MRPL1: variants seen among roughly 807,000 people sequenced by gnomAD.
MRPL1 encodes the protein mitochondrial ribosomal protein L1.
Under a neutral mutation model 38.0 loss-of-function variants are expected in MRPL1, and 28 were observed. The observed-to-expected ratio is 0.74, with a 90% CI of 0.55 to 1.01. The LOEUF (loss-of-function observed/expected upper bound fraction) is 1.01, where lower values mean the gene tolerates loss of function less well. Ranked by LOEUF, MRPL1 falls within the 50% of genes least tolerant of loss-of-function variation. The pLI is 0.00. For missense variants in MRPL1, 358 were observed against 389.8 expected (o/e 0.92, Z 0.69); for synonymous variants, 123 against 126.7 (o/e 0.97, Z 0.20).
chr4:77,882,811 G>T (rs1033976237), intron 2 of MRPL1, among the ~76,000 whole-genome samples: 3 of 152,118 alleles, frequency 2.0e-5, no homozygotes, highest in Non-Finnish European at 4.4e-5. Context: ...TAGATTTTGT[G>T]TCATATGTTT....
At chr4:77,887,843 CTTGAA>C (rs1560462810) in intron 5 of MRPL1, among the ~76,000 whole-genome samples, 2 of 152,034 alleles carry the variant, frequency 1.3e-5, no homozygotes, top group Non-Finnish European at 2.9e-5. Flanking sequence ...ATTGATTATA[CTTGAA>C]TTATTATTGT....
intron 2 of MRPL1, among the ~76,000 whole-genome samples, chr4:77,876,048 T>C (rs1735381457): frequency 6.6e-6 from 1 of 152,108 alleles, no homozygotes; most frequent in South Asian, 2.1e-4. Flanking sequence ...TCTCAGCTCA[T>C]TGTAGCCTCC....
chr4:77,896,831 A>G (rs1029286630), intron 6 of MRPL1, among the ~76,000 whole-genome samples: 2 of 151,998 alleles, frequency 1.3e-5, no homozygotes, highest in African/African-American at 4.8e-5. Context: ...TCAAATGCAC[A>G]TTTGGCTTGT....
At chr4:77,876,396 T>G (rs1735398367) in intron 2 of MRPL1, among the ~76,000 whole-genome samples, 1 of 152,252 alleles carries the variant, frequency 6.6e-6, no homozygotes, top group Admixed American at 6.5e-5. Flanking sequence ...TATTTTATCT[T>G]TAAATGTTGT....
At chr4:77,917,685 T>C (rs1736452107) in intron 7 of MRPL1, among the ~76,000 whole-genome samples, 1 of 152,162 alleles carries the variant, frequency 6.6e-6, no homozygotes. Flanking sequence ...CCTTTTTTCC[T>C]CAAGAAAAAT....
At chr4:77,870,827 G>A (rs1055713958) in intron 1 of MRPL1, among the ~76,000 whole-genome samples, 1 of 151,974 alleles carries the variant, frequency 6.6e-6, no homozygotes, top group Non-Finnish European at 1.5e-5. Context: ...AATAATAATA[G>A]CTTGAAATTC....
In MRPL1 at chr4:77,894,130, A is replaced by G. The variant is rs1481757400; in HGVS notation, c.559-9A>G. On this transcript the variant is annotated splice_polypyrimidine_tract_variant and intron_variant, in intron 5 of 8. Transcript: ENST00000315567. ...CATCTGAGGTCACCTTTTTTTTTTT[A>G]ATTTTCAGATTTGGGATGATGAAAT... 2.6e-6 allele frequency: 4 copies of G among 1,514,416 alleles called. No individual in the cohort carries two copies. The highest frequency in any genetic ancestry group is 4.6e-5 in the East Asian group (2 of 43,820). The allele number at this position is 1,514,416 out of a possible 1,614,324, so 93.8% of individuals were successfully genotyped here. A position where few individuals can be genotyped will look rare whatever the true frequency, so the allele number is the denominator to read the frequency against.
intron 7 of MRPL1, among the ~76,000 whole-genome samples, chr4:77,923,601 G>T (rs908702007): frequency 1.3e-5 from 2 of 151,628 alleles, no homozygotes; most frequent in Non-Finnish European, 2.9e-5. Context: ...AATAATTTTT[G>T]TATCATGACT....
At chr4:77,931,227 T>A (rs188352261) in intron 7 of MRPL1, among the ~76,000 whole-genome samples, 1 of 152,340 alleles carries the variant, frequency 6.6e-6, no homozygotes, top group Non-Finnish European at 1.5e-5. Context: ...ACAGAAGCAA[T>A]TATTGAAGGC....
chr4:77,949,865 A>G lies in MRPL1; in HGVS notation c.846A>G (p.Arg282=). The change falls in exon 8 of 9, where the codon AGA becomes AGG. Residue 282 remains arginine, a synonymous_variant. Transcript: ENST00000315567. ...TTATTAATGAAGTTTGTAGGCACAG[A>G]CCGCTGAATTTGGGTAAGTGGTTTG... is the stretch of plus-strand genomic sequence containing the variant. ...QAVINEVCRH[R]PLNLGPFVVR... is the part of the protein sequence containing the mutation. 1 of 1,608,874 alleles carries G rather than the reference A, an allele frequency of 6.2e-7. No homozygotes were observed. The highest frequency in any genetic ancestry group is 1.1e-5 in the South Asian group (1 of 90,258).
intron 7 of MRPL1, among the ~76,000 whole-genome samples, chr4:77,915,950 G>A (rs1043529692): frequency 6.6e-6 from 1 of 152,118 alleles, no homozygotes; most frequent in Non-Finnish European, 1.5e-5. Flanking sequence ...AATTGGTTGG[G>A]ATAAAAGCAA....
chr4:77,946,942 A>T lies in MRPL1; in HGVS notation c.778-2855A>T, dbSNP rs142361015. On this transcript the variant is annotated intron_variant, in intron 7 of 8. Coordinates refer to ENST00000315567, the MANE Select transcript of MRPL1 (RefSeq NM_020236.4). ...AGTGACCTAAAAATGTTTAAGAATC[A>T]CTGGTTTGGACATGCTTGTGATTAT... Among the ~76,000 whole-genome samples, 11 of 152,020 alleles carry T rather than the reference A, an allele frequency of 7.2e-5. No individual in the cohort carries two copies. In the East Asian group the frequency reaches 2.1e-3, roughly 29 times the overall value.
chr4:77,912,558 T>C (rs539202310), intron 7 of MRPL1, among the ~76,000 whole-genome samples: 3 of 152,056 alleles, frequency 2.0e-5, no homozygotes, highest in Non-Finnish European at 4.4e-5. Flanking sequence ...AAATAAAAAA[T>C]CTAAATAAAT....
chr4:77,950,852 G>A (rs1036653995), intron 8 of MRPL1, among the ~76,000 whole-genome samples: 5 of 152,078 alleles, frequency 3.3e-5, no homozygotes, highest in African/African-American at 1.2e-4. Context: ...ATGTTTAAAT[G>A]TTGTGATTCT....
chr4:77,905,222 C>T (rs114233835), intron 6 of MRPL1, among the ~76,000 whole-genome samples: 1,827 of 151,988 alleles, frequency 0.012, 20 homozygotes, highest in African/African-American at 0.041. Flanking sequence ...CGTGGCTGGG[C>T]GCAGTGACTC....
rs548865051 is a variant in MRPL1, at chr4:77,927,721, A to G, written c.777+18349A>G. Among the ~76,000 whole-genome samples the G allele has an allele frequency of 2.7e-3, 409 of 152,212 alleles. 2 individuals carry two copies. Among genetic ancestry groups the G allele is most frequent in the African/African-American group, 9.4e-3 (389 of 41,586 alleles). On this transcript the variant is annotated intron_variant, in intron 7 of 8. Transcript: ENST00000315567. ...ATGAAAAACCTCTTTAAAGTACAAT[A>G]TATAAATGCATTTATATGATAGCCT...
intron 1 of MRPL1, chr4:77,864,633 A>G (rs1050239666): frequency 1.3e-5 from 2 of 152,188 alleles, no homozygotes; most frequent in African/African-American, 4.8e-5. Context: ...AAAATCTTTT[A>G]TGGAATCATC....
intron 4 of MRPL1, 119 bp from the exon 5 acceptor site, chr4:77,887,101 A>C: frequency 1.2e-6 from 1 of 857,886 alleles, no homozygotes; most frequent in Non-Finnish European, 1.9e-6. Flanking sequence ...ATTTTCAATT[A>C]AAAATAAAAG....
intron 7 of MRPL1, among the ~76,000 whole-genome samples, chr4:77,924,846 A>G (rs1007209768): frequency 2.0e-5 from 3 of 152,148 alleles, no homozygotes; most frequent in Non-Finnish European, 2.9e-5. Context: ...TTAATTTCTT[A>G]AGTGAATTTT....
Sources: allele counts gnomAD v4.1 joint callset (sites outside exome capture counted in the v4.1 genomes callset), GRCh38; gene constraint gnomAD v4.1.1; transcripts MANE v1.5; gene names NCBI Gene and HGNC (gene_info 2026-07-23, HGNC 2026-07-21).